The following TTC6 variants were observed in gnomAD, a reference collection of about 807,000 sequenced individuals.
TTC6 encodes the protein tetratricopeptide repeat domain 6, also known as tetratricopeptide repeat protein 6.
TTC6 carries 172 observed loss-of-function variants against 210.4 expected under a neutral mutation model. That is an observed-to-expected ratio of 0.82 (90% confidence interval 0.72 to 0.93). The LOEUF is 0.93. Ranked by LOEUF, TTC6 falls within the 40% of genes least tolerant of loss-of-function variation. The pLI is 0.00. For synonymous variants in TTC6, 804 were observed against 819.6 expected, an observed-to-expected ratio of 0.98 and a Z score of 0.32; for missense variants, 2,414 against 2,318.1, an observed-to-expected ratio of 1.04 and a Z score of -0.85.
At chr14:37,634,606 G>A (rs1466261832) in intron 1 of TTC6, among the ~76,000 whole-genome samples, 1 of 152,136 alleles carries the variant, frequency 6.6e-6, no homozygotes, top group Non-Finnish European at 1.5e-5. Context: ...TGTGGCAAGA[G>A]ACATAAACCT....
intron 7 of TTC6, among the ~76,000 whole-genome samples, chr14:37,725,690 T>C (rs71407728): frequency 0.057 from 8,662 of 152,122 alleles, 381 homozygotes; most frequent in Non-Finnish European, 0.089. Flanking sequence ...AAAAATGTTA[T>C]ACTTATCCAT....
intron 10 of TTC6, among the ~76,000 whole-genome samples, chr14:37,739,449 G>C (rs2095911581): frequency 6.6e-6 from 1 of 151,748 alleles, no homozygotes; most frequent in Non-Finnish European, 1.5e-5. Flanking sequence ...GGTGGTGTGT[G>C]CCTGTAGTCC....
intron 14 of TTC6, among the ~76,000 whole-genome samples, chr14:37,784,551 C>G (rs1184667494): frequency 6.6e-6 from 1 of 152,144 alleles, no homozygotes; most frequent in Non-Finnish European, 1.5e-5. Context: ...ACACAGCACA[C>G]TGATGACTCC....
Position 37,616,171 on chromosome 14 carries a change from G to A in TTC6, c.-154-5879G>A, listed in dbSNP as rs528950502. Reference sequence around the variant, plus strand: ...CATATACGTGAATCAAAGGTCAGTCGGAGACGTGTGGGGTTTAGATAGAAT... The same window carrying A: ...CATATACGTGAATCAAAGGTCAGTCAGAGACGTGTGGGGTTTAGATAGAAT... On this transcript the variant is annotated intron_variant, in intron 2 of 2. Coordinates refer to the TTC6 transcript ENST00000556845. Among the ~76,000 whole-genome samples the A allele has an allele frequency of 7.2e-5, 11 of 152,202 alleles. No homozygotes were observed. In the East Asian group the frequency reaches 7.8e-4, roughly 11 times the overall value.
intron 1 of TTC6, among the ~76,000 whole-genome samples, chr14:37,669,459 C>A (rs1430113918): frequency 1.3e-5 from 2 of 149,324 alleles, no homozygotes; most frequent in Non-Finnish European, 2.9e-5. Context: ...GTTTCTACTT[C>A]TTTCTTAAGA....
chr14:37,702,305 A>G (rs985537450), intron 5 of TTC6, among the ~76,000 whole-genome samples: 1 of 152,158 alleles, frequency 6.6e-6, no homozygotes, highest in Non-Finnish European at 1.5e-5. Context: ...CCTTTTCATT[A>G]TCACCCACTT....
chr14:37,639,483 G>GT (rs1265309662), intron 1 of TTC6, among the ~76,000 whole-genome samples: 2 of 152,084 alleles, frequency 1.3e-5, no homozygotes, highest in African/African-American at 4.8e-5. Flanking sequence ...ATTAATTATA[G>GT]TTTTTTTCTG....
intron 17 of TTC6, among the ~76,000 whole-genome samples, chr14:37,794,445 G>A (rs2096087578): frequency 6.6e-6 from 1 of 151,524 alleles, no homozygotes. Context: ...GTTGTCCCAG[G>A]TTAATTTTGC....
chr14:37,640,413 C>A (rs2095689637), intron 1 of TTC6, among the ~76,000 whole-genome samples: 1 of 152,044 alleles, frequency 6.6e-6, no homozygotes, highest in South Asian at 2.1e-4. Flanking sequence ...AAAATAATTG[C>A]TTTTTCTGGC....
At chr14:37,657,797 CAG>C (rs1170303406) in intron 1 of TTC6, among the ~76,000 whole-genome samples, 1 of 152,096 alleles carries the variant, frequency 6.6e-6, no homozygotes, top group Non-Finnish European at 1.5e-5. Context: ...TGGTATGAAA[CAG>C]AGTGATAAAA....
intron 1 of TTC6, among the ~76,000 whole-genome samples, chr14:37,652,053 C>T (rs1194766062): frequency 3.3e-5 from 5 of 152,064 alleles, no homozygotes; most frequent in South Asian, 2.1e-4. Flanking sequence ...AGTGAGAAGC[C>T]GAAGCCTTAA....
At chr14:37,597,831 G>C (rs541910864) in intron 1 of TTC6, among the ~76,000 whole-genome samples, 1 of 152,260 alleles carries the variant, frequency 6.6e-6, no homozygotes, top group South Asian at 2.1e-4. Context: ...CCCAGTCAGG[G>C]ATTTAGGTTC....
At chr14:37,819,169 T>G (rs997975614) in intron 26 of TTC6, among the ~76,000 whole-genome samples, 1 of 152,194 alleles carries the variant, frequency 6.6e-6, no homozygotes, top group African/African-American at 2.4e-5. Context: ...CTCTGAAAAC[T>G]CAGAGTCCCA....
intron 23 of TTC6, 108 bp from the exon 26 acceptor site, chr14:37,808,625 G>T (rs535829475): frequency 2.8e-4 from 163 of 581,908 alleles, no homozygotes; most frequent in South Asian, 1.3e-3. Context: ...ACAAAGAATG[G>T]TTAAATGAGT....
At chr14:37,783,933 G>C (rs892669920) in intron 14 of TTC6, among the ~76,000 whole-genome samples, 2 of 152,128 alleles carry the variant, frequency 1.3e-5, no homozygotes, top group African/African-American at 4.8e-5. Context: ...CCATGTAGTT[G>C]AGCAGTTTTG....
chr14:37,672,821 A>ATTTTTT lies in TTC6; in HGVS notation c.940-7316_940-7311dup, dbSNP rs377117749. 2.9e-3 allele frequency among the ~76,000 whole-genome samples: 372 copies of ATTTTTT among 128,978 alleles called. 8 individuals carry two copies. Among genetic ancestry groups the ATTTTTT allele is most frequent in the African/African-American group, 0.011 (347 of 32,462 alleles). The allele number at this position is 128,978 out of a possible 152,430, so 84.6% of individuals were successfully genotyped here. A position where few individuals can be genotyped will look rare whatever the true frequency, so the allele number is the denominator to read the frequency against. On this transcript the variant is annotated intron_variant, in intron 1 of 30. Coordinates refer to ENST00000553443, the Ensembl canonical transcript of TTC6. ...TAAGCAAGCTTTTCATGAATTCCTC[A>ATTTTTT]TTTTTTTTTTTTTTTTTTTACTAAA... is the stretch of plus-strand genomic sequence containing the variant.
At chr14:37,822,637 A>G (rs2096160655) in intron 26 of TTC6, among the ~76,000 whole-genome samples, 1 of 152,192 alleles carries the variant, frequency 6.6e-6, no homozygotes, top group Non-Finnish European at 1.5e-5. Flanking sequence ...GCTCAAATCT[A>G]AACTCCAAGA....
chr14:37,753,197 A>G, exon 14 of TTC6: 2 of 1,535,290 alleles, frequency 1.3e-6, no homozygotes, highest in Middle Eastern at 1.7e-4. Context: ...AGGATTTTAC[A>G]GCCTTGTTAA....
chr14:37,633,710 T>C (rs1162580810), intron 1 of TTC6, among the ~76,000 whole-genome samples: 1 of 152,146 alleles, frequency 6.6e-6, no homozygotes, highest in East Asian at 1.9e-4. Context: ...TTCAACATCG[T>C]CCAGAAGTAA....
Sources: gnomAD v4.1 joint callset for allele counts (sites outside exome capture counted in the v4.1 genomes callset) on GRCh38, gnomAD v4.1.1 for gene constraint, MANE v1.5 for transcripts, NCBI Gene and HGNC (gene_info 2026-07-23, HGNC 2026-07-21) for gene names.